CFAP144: variants seen among roughly 807,000 people sequenced by gnomAD.
CFAP144 encodes the protein cilia- and flagella-associated protein 144.
At chr1:43,150,138 A>G in the CFAP144 span, among the ~76,000 whole-genome samples, 3 of 152,258 alleles carry the variant, frequency 2.0e-5, no homozygotes, top group African/African-American at 4.8e-5. Flanking sequence ...ACTGTTCTCT[A>G]TCACACTTAC....
chr1:43,147,782 G>A, the CFAP144 span: 3 of 1,461,706 alleles, frequency 2.1e-6, no homozygotes, highest in East Asian at 5.1e-5. Context: ...GGGGCGGGGC[G>A]ATGCAGGCAG....
chr1:43,147,823 C>G, the CFAP144 span: 8 of 1,515,416 alleles, frequency 5.3e-6, no homozygotes, highest in Admixed American at 1.2e-4. Context: ...AGACCCGCCC[C>G]GACCGGGCAG....
chr1:43,150,895 C>T, the CFAP144 span: 9 of 1,227,426 alleles, frequency 7.3e-6, no homozygotes, highest in Middle Eastern at 1.9e-4. Flanking sequence ...CTCTCAGGGT[C>T]GTGATATCTT....
chr1:43,150,240 A>C, the CFAP144 span, among the ~76,000 whole-genome samples: 1 of 152,210 alleles, frequency 6.6e-6, no homozygotes. Flanking sequence ...TCTTGTTTAC[A>C]GCCTGTTCTT....
chr1:43,150,299 T>C, the CFAP144 span, among the ~76,000 whole-genome samples: 1 of 152,226 alleles, frequency 6.6e-6, no homozygotes, highest in African/African-American at 2.4e-5. Flanking sequence ...GTGCTGCTCC[T>C]CTGTTACCAT....
chr1:43,152,689 C>T, the CFAP144 span: 2 of 838,380 alleles, frequency 2.4e-6, no homozygotes, highest in East Asian at 5.5e-5. Flanking sequence ...AGACCAGACA[C>T]CCTGGTCTTG....
the CFAP144 span, among the ~76,000 whole-genome samples, chr1:43,155,217 C>G: frequency 6.6e-6 from 1 of 152,138 alleles, no homozygotes; most frequent in Non-Finnish European, 1.5e-5. Context: ...AGAAATCAGC[C>G]AAGATAGATC....
the CFAP144 span, chr1:43,152,801 C>T: frequency 6.3e-7 from 1 of 1,586,608 alleles, no homozygotes; most frequent in Non-Finnish European, 8.6e-7. Flanking sequence ...AGCCTGACTC[C>T]TTCATAACTC....
At chr1:43,146,714 T>C in the CFAP144 span, among the ~76,000 whole-genome samples, 1 of 152,202 alleles carries the variant, frequency 6.6e-6, no homozygotes, top group African/African-American at 2.4e-5. Flanking sequence ...GCAATTCACA[T>C]TGTGTCCTGA....
chr1:43,153,058 A>G, the CFAP144 span: 1 of 1,193,268 alleles, frequency 8.4e-7, no homozygotes, highest in Non-Finnish European at 1.2e-6. Flanking sequence ...CAGCTGGATA[A>G]GTTACTAAGC....
chr1:43,154,054 ATG>A, the CFAP144 span, among the ~76,000 whole-genome samples: 61 of 73,532 alleles, frequency 8.3e-4, no homozygotes, highest in African/African-American at 4.3e-3. Context: ...CTCTTTATAT[ATG>A]TGTGTGTATA....
At chr1:43,153,103 A>C in the CFAP144 span, 1 of 750,106 alleles carries the variant, frequency 1.3e-6, no homozygotes, top group East Asian at 2.8e-5. Flanking sequence ...TGTAAAATGG[A>C]GCTAATACAG....
the CFAP144 span, chr1:43,147,743 C>G: frequency 7.0e-7 from 1 of 1,420,796 alleles, no homozygotes; most frequent in Non-Finnish European, 9.2e-7. Context: ...TAGGGCGGGG[C>G]GCGAAATAAG....
chr1:43,149,524 CT>C, the CFAP144 span, among the ~76,000 whole-genome samples: 1 of 152,200 alleles, frequency 6.6e-6, no homozygotes, highest in African/African-American at 2.4e-5. Flanking sequence ...ACTGTCTTCA[CT>C]TTCCTTCTAA....
chr1:43,150,336 C>A, the CFAP144 span, among the ~76,000 whole-genome samples: 1 of 152,202 alleles, frequency 6.6e-6, no homozygotes, highest in African/African-American at 2.4e-5. Context: ...AGATCACTGC[C>A]TGGCAAACCT....
the CFAP144 span, among the ~76,000 whole-genome samples, chr1:43,144,116 A>AG: frequency 1.3e-5 from 2 of 152,220 alleles, no homozygotes; most frequent in African/African-American, 4.8e-5. Context: ...CCGCTCACCT[A>AG]GGCTCCAGCC....
chr1:43,147,911 G>C, the CFAP144 span: 2 of 1,605,784 alleles, frequency 1.2e-6, no homozygotes, highest in African/African-American at 2.8e-5. Flanking sequence ...CCTGGAGACT[G>C]TGGAAGGCCC....
chr1:43,152,779 C>A, the CFAP144 span: 1 of 1,537,190 alleles, frequency 6.5e-7, no homozygotes, highest in Non-Finnish European at 8.8e-7. Context: ...CAGGACCAAC[C>A]TCTGGTCCCA....
At chr1:43,148,341 T>C in the CFAP144 span, among the ~76,000 whole-genome samples, 2 of 152,276 alleles carry the variant, frequency 1.3e-5, no homozygotes, top group African/African-American at 4.8e-5. Context: ...CTTTTTATTA[T>C]TTTACTTTTG....
Sources: allele counts gnomAD v4.1 joint callset (sites outside exome capture counted in the v4.1 genomes callset), GRCh38; gene constraint gnomAD v4.1.1; transcripts MANE v1.5; gene names NCBI Gene and HGNC (gene_info 2026-07-23, HGNC 2026-07-21).